The following CSMD1 variants were observed in gnomAD, a reference collection of about 807,000 sequenced individuals.
The protein encoded by CSMD1 is CUB and Sushi multiple domains 1.
CSMD1 carries 213 observed loss-of-function variants against 417.5 expected under a neutral mutation model. That is an observed-to-expected ratio of 0.51 (90% CI 0.46 to 0.57). The LOEUF (loss-of-function observed/expected upper bound fraction) is 0.57. Among genes scored for constraint, CSMD1 ranks in the 20% least tolerant of loss-of-function variants. The pLI is 0.00. For synonymous variants in CSMD1, 2,862 were observed against 1,736.8 expected (o/e 1.65, Z -16.11); for missense variants, 6,923 against 4,529.7 (o/e 1.53, Z -15.17).
At chr8:3,291,174 C>G (rs183144202) in intron 25 of CSMD1, among the ~76,000 whole-genome samples, 13 of 152,132 alleles carry the variant, frequency 8.5e-5, no homozygotes, top group African/African-American at 3.1e-4. Flanking sequence ...AGGGATGAAA[C>G]CCACTTGATC....
intron 1 of CSMD1, among the ~76,000 whole-genome samples, chr8:4,987,496 A>G (rs892295480): frequency 6.6e-6 from 1 of 152,212 alleles, no homozygotes; most frequent in Non-Finnish European, 1.5e-5. Flanking sequence ...AGTTATCTCT[A>G]TCATATCCAC....
chr8:3,558,411 G>T (rs117649130), intron 10 of CSMD1, among the ~76,000 whole-genome samples: 59 of 139,262 alleles, frequency 4.2e-4, no homozygotes, highest in Non-Finnish European at 7.8e-4. Flanking sequence ...AATGATGAAC[G>T]GTGCCTCAAT....
chr8:3,624,820 G>A (rs1796416105), intron 7 of CSMD1, among the ~76,000 whole-genome samples: 1 of 152,112 alleles, frequency 6.6e-6, no homozygotes, highest in African/African-American at 2.4e-5. Flanking sequence ...TGTAGACTCA[G>A]TATTATCTCA....
intron 7 of CSMD1, among the ~76,000 whole-genome samples, chr8:3,662,447 C>T (rs1798468029): frequency 6.6e-6 from 1 of 152,112 alleles, no homozygotes; most frequent in African/African-American, 2.4e-5. Context: ...TATTGATGGG[C>T]ATTTGGGTTG....
intron 1 of CSMD1, among the ~76,000 whole-genome samples, chr8:4,968,891 C>G (rs780099669): frequency 2.0e-5 from 3 of 152,188 alleles, no homozygotes; most frequent in Non-Finnish European, 4.4e-5. Context: ...GTCTGTCTCT[C>G]GGGTTGCCAC....
intron 5 of CSMD1, among the ~76,000 whole-genome samples, chr8:3,781,530 A>G (rs909881665): frequency 1.3e-5 from 2 of 152,050 alleles, no homozygotes; most frequent in African/African-American, 4.8e-5. Flanking sequence ...ACATGGATAT[A>G]TGGTCTATCT....
At chr8:4,459,375 G>T (rs749836033) in intron 2 of CSMD1, among the ~76,000 whole-genome samples, 5 of 152,226 alleles carry the variant, frequency 3.3e-5, no homozygotes, top group Non-Finnish European at 5.9e-5. Context: ...GTTTACTCAT[G>T]AAACAAGAAT....
At chr8:3,316,346 C>G (rs1423637962) in intron 23 of CSMD1, among the ~76,000 whole-genome samples, 1 of 152,126 alleles carries the variant, frequency 6.6e-6, no homozygotes, top group African/African-American at 2.4e-5. Flanking sequence ...TCAAATCTAT[C>G]AGGAACTTTT....
chr8:4,068,913 A>G (rs1799400193), intron 3 of CSMD1, among the ~76,000 whole-genome samples: 1 of 152,230 alleles, frequency 6.6e-6, no homozygotes, highest in Admixed American at 6.5e-5. Flanking sequence ...TAACCAAATA[A>G]TAATTATAAT....
intron 1 of CSMD1, among the ~76,000 whole-genome samples, chr8:4,688,477 G>C (rs1806536158): frequency 6.6e-6 from 1 of 152,134 alleles, no homozygotes; most frequent in African/African-American, 2.4e-5. Flanking sequence ...GTAAGCACTT[G>C]TATGGTGATA....
At chr8:4,980,962 C>A (rs1810857178) in intron 1 of CSMD1, among the ~76,000 whole-genome samples, 1 of 151,910 alleles carries the variant, frequency 6.6e-6, no homozygotes, top group East Asian at 1.9e-4. Flanking sequence ...CTAGTATGAG[C>A]AACTTGTCCT....
intron 1 of CSMD1, among the ~76,000 whole-genome samples, chr8:4,773,327 TCTA>T (rs1002458816): frequency 1.3e-5 from 2 of 152,268 alleles, no homozygotes; most frequent in African/African-American, 4.8e-5. Context: ...AGTTCTGCCT[TCTA>T]AGCTCACTGA....
chr8:3,165,502 G>A (rs867072958), intron 37 of CSMD1, among the ~76,000 whole-genome samples: 20 of 152,118 alleles, frequency 1.3e-4, no homozygotes, highest in South Asian at 6.2e-4. Flanking sequence ...TGTGATCTCA[G>A]CTCACTTCAA....
chr8:3,682,511 G>A lies in CSMD1; in HGVS notation c.1009+25903C>T, dbSNP rs560851359. On this transcript the variant is annotated intron_variant, in intron 7 of 69. Transcript: ENST00000635120. ...AATGAGATACCATCTCACAACAGTTGGAATGGCGATCATTAAAAAGTCAGG... is the reference window on the plus strand; with the variant it reads ...AATGAGATACCATCTCACAACAGTTAGAATGGCGATCATTAAAAAGTCAGG... Among the ~76,000 whole-genome samples the A allele has an allele frequency of 4.8e-4, 73 of 152,200 alleles. No homozygotes were observed. The South Asian group carries it at 9.7e-3, about 20-fold the overall frequency.
intron 3 of CSMD1, among the ~76,000 whole-genome samples, chr8:4,145,143 C>T (rs1166016195): frequency 1.3e-5 from 2 of 151,078 alleles, no homozygotes; most frequent in East Asian, 3.8e-4. Context: ...AGTTTAGACA[C>T]ATGTAATAAA....
At chr8:4,529,711 A>G (rs1796693518) in intron 2 of CSMD1, among the ~76,000 whole-genome samples, 2 of 151,982 alleles carry the variant, frequency 1.3e-5, no homozygotes, top group Admixed American at 1.3e-4. Context: ...ATATGTGGCA[A>G]TCCTACTATG....
chr8:3,912,993 C>T (rs919567492), intron 5 of CSMD1, among the ~76,000 whole-genome samples: 2 of 152,052 alleles, frequency 1.3e-5, no homozygotes, highest in East Asian at 1.9e-4. Flanking sequence ...CACAGGAAAG[C>T]CTACGCACTG....
chr8:4,380,386 A>G (rs1291173702), intron 3 of CSMD1, among the ~76,000 whole-genome samples: 1 of 152,202 alleles, frequency 6.6e-6, no homozygotes, highest in Non-Finnish European at 1.5e-5. Context: ...CTATAGCTCC[A>G]GTCAACACAT....
chr8:4,430,920 C>G (rs1797837164), intron 2 of CSMD1, among the ~76,000 whole-genome samples: 1 of 152,120 alleles, frequency 6.6e-6, no homozygotes, highest in Non-Finnish European at 1.5e-5. Context: ...CATAAATTAT[C>G]TTAACAGTGT....
Sources: gnomAD v4.1 joint callset for allele counts (sites outside exome capture counted in the v4.1 genomes callset) on GRCh38, gnomAD v4.1.1 for gene constraint, MANE v1.5 for transcripts, NCBI Gene and HGNC (gene_info 2026-07-23, HGNC 2026-07-21) for gene names.